Variants in C8orf88 observed in about 807,000 individuals in gnomAD.
C8orf88 encodes the protein chromosome 8 open reading frame 88.
A neutral mutation model predicts 18.4 loss-of-function variants in C8orf88; 14 were observed. The ratio of observed to expected loss-of-function variants is 0.76; its 90% confidence interval spans 0.50 to 1.19. The LOEUF (loss-of-function observed/expected upper bound fraction) is 1.19. Ranked by LOEUF, C8orf88 falls within the 50% of genes most tolerant of loss-of-function variation. C8orf88 has a pLI of 0.00. For synonymous variants in C8orf88, 45 were observed against 42.9 expected, an observed-to-expected ratio of 1.05 and a Z score of -0.19; for missense variants, 116 against 134.7, an observed-to-expected ratio of 0.86 and a Z score of 0.69.
intron 3 of C8orf88, among the ~76,000 whole-genome samples, chr8:90,971,488 T>C (rs145074372): frequency 6.6e-6 from 1 of 152,168 alleles, no homozygotes; most frequent in East Asian, 1.9e-4. Flanking sequence ...AAACAACACA[T>C]TTTTATTCAC....
At chr8:90,961,890 A>G (rs1811133726) in intron 4 of C8orf88, among the ~76,000 whole-genome samples, 1 of 151,464 alleles carries the variant, frequency 6.6e-6, no homozygotes, top group Non-Finnish European at 1.5e-5. Flanking sequence ...AAAGACTACA[A>G]ATTGACAGAG....
chr8:90,961,642 T>C (rs1811128197), intron 4 of C8orf88, among the ~76,000 whole-genome samples: 1 of 151,210 alleles, frequency 6.6e-6, no homozygotes, highest in African/African-American at 2.4e-5. Flanking sequence ...TTATACTAGA[T>C]GGAAACTTTA....
At position 90,965,207 on chromosome 8, in the gene C8orf88, C is replaced by A. The variant is rs117148963; in HGVS notation, c.224-4359G>T. On this transcript the variant is annotated intron_variant, in intron 4 of 5. Coordinates refer to ENST00000517562, the MANE Select transcript of C8orf88 (RefSeq NM_001190972.2). ...AAAAGATATTCAATTCAAGCAGTAA[C>A]CAAAAGAGAGCTGAAGTGAGTATAC... 2.1e-3 allele frequency among the ~76,000 whole-genome samples: 319 copies of A among 151,454 alleles called. 5 individuals carry two copies. The East Asian group carries it at 0.05, about 24-fold the overall frequency.
chr8:90,978,001 G>A (rs1462201032), intron 3 of C8orf88, among the ~76,000 whole-genome samples: 1 of 151,988 alleles, frequency 6.6e-6, no homozygotes, highest in African/African-American at 2.4e-5. Context: ...TAGTATCTAG[G>A]TAAGAAACTG....
rs1811082680 is a variant in C8orf88, at chr8:90,958,941, A to G, written c.*66T>C. ...AAATTGAATTGTCACAGTCCATTACAGTTATTGTTGCTAGATCCACCTCAT... is the reference window on the plus strand; with the variant it reads ...AAATTGAATTGTCACAGTCCATTACGGTTATTGTTGCTAGATCCACCTCAT... On this transcript the variant is annotated 3_prime_UTR_variant, in exon 6 of 6. Coordinates refer to ENST00000517562, the MANE Select transcript of C8orf88 (RefSeq NM_001190972.2). 2.2e-6 allele frequency: 2 copies of G among 920,394 alleles called. No homozygotes were observed. Among genetic ancestry groups the G allele is most frequent in the Non-Finnish European group, 3.2e-6 (2 of 616,080 alleles). 57.0% of individuals were successfully genotyped at this position (920,394 alleles called of 1,614,324 possible).
intron 5 of C8orf88, among the ~76,000 whole-genome samples, chr8:90,960,256 A>C (rs529645677): frequency 6.6e-6 from 1 of 151,666 alleles, no homozygotes; most frequent in Non-Finnish European, 1.5e-5. Flanking sequence ...AGAAAAATAC[A>C]TGAGATGATT....
intron 1 of C8orf88, among the ~76,000 whole-genome samples, chr8:90,983,622 G>T (rs777946737): frequency 1.3e-5 from 2 of 152,024 alleles, no homozygotes; most frequent in Non-Finnish European, 2.9e-5. Context: ...TAATTAAGAT[G>T]CCTTTTTAAG....
Position 90,971,155 on chromosome 8 carries a change from A to G in C8orf88, c.148-14T>C, listed in dbSNP as rs776674872. The G allele has an allele frequency of 7.0e-7, 1 of 1,434,412 alleles. No individual in the cohort carries two copies. The highest frequency in any genetic ancestry group is 1.5e-5 in the South Asian group (1 of 68,498). 88.9% of individuals were successfully genotyped at this position (1,434,412 alleles called of 1,614,324 possible). A position where few individuals can be genotyped will look rare whatever the true frequency, so the allele number is the denominator to read the frequency against. On this transcript the variant is annotated splice_polypyrimidine_tract_variant and intron_variant, in intron 3 of 5. Coordinates refer to ENST00000517562, the MANE Select transcript of C8orf88 (RefSeq NM_001190972.2). ...ATTCGTCTTACACTGTTAAACATGA[A>G]GAAAATAAACTTTTTAACTCAGGTT...
At chr8:90,976,580 A>G (rs1811354619) in intron 3 of C8orf88, among the ~76,000 whole-genome samples, 1 of 152,116 alleles carries the variant, frequency 6.6e-6, no homozygotes, top group Admixed American at 6.5e-5. Flanking sequence ...ATAAAGCCAG[A>G]GTAATTAAGA....
At chr8:90,975,611 TA>T (rs1308204887) in intron 3 of C8orf88, among the ~76,000 whole-genome samples, 1 of 152,094 alleles carries the variant, frequency 6.6e-6, no homozygotes, top group Non-Finnish European at 1.5e-5. Context: ...ACTTACACAC[TA>T]AAATGGCTAA....
chr8:90,975,099 T>C (rs986018256), intron 3 of C8orf88, among the ~76,000 whole-genome samples: 1 of 152,188 alleles, frequency 6.6e-6, no homozygotes, highest in African/African-American at 2.4e-5. Context: ...GTCATGTTAA[T>C]AGATCATAAG....
chr8:90,980,509 G>T, intron 1 of C8orf88, 48 bp from the exon 2 acceptor site: 1 of 787,942 alleles, frequency 1.3e-6, no homozygotes, highest in Non-Finnish European at 2.0e-6. Flanking sequence ...AAATAATCAA[G>T]ATGCTTTACA....
At chr8:90,960,990 A>C (rs1010552479) in intron 4 of C8orf88, 142 bp from the exon 5 acceptor site, 43 of 414,898 alleles carry the variant, frequency 1.0e-4, no homozygotes, top group Admixed American at 3.0e-4. Context: ...AGGAGAAAAA[A>C]GGCTTTGACA....
chr8:90,981,788 C>A lies in C8orf88; in HGVS notation c.-26-1327G>T, dbSNP rs191610972. Among the ~76,000 whole-genome samples the A allele has an allele frequency of 3.4e-4, 52 of 152,198 alleles. No homozygotes were observed. The East Asian group carries it at 9.2e-3, about 27-fold the overall frequency. ...TCGTCATTGCAACTAAAATCTGACA[C>A]CTGTATGGGACACAAGATTTCCAAA... On this transcript the variant is annotated intron_variant, in intron 1 of 5. Transcript: ENST00000517562.
chr8:90,982,941 C>T (rs1035510514), intron 1 of C8orf88, among the ~76,000 whole-genome samples: 1 of 151,978 alleles, frequency 6.6e-6, no homozygotes, highest in Admixed American at 6.6e-5. Context: ...GGCAGAACTC[C>T]ATAAACCAAA....
chr8:90,980,485 T>C, intron 1 of C8orf88, 24 bp from the exon 2 acceptor site: 1 of 1,096,930 alleles, frequency 9.1e-7, no homozygotes, highest in Non-Finnish European at 1.3e-6. Flanking sequence ...AAATACATTT[T>C]TATCTTTTGG....
chr8:90,973,092 A>C (rs535719192), intron 3 of C8orf88, among the ~76,000 whole-genome samples: 15 of 152,242 alleles, frequency 9.9e-5, no homozygotes, highest in Admixed American at 5.2e-4. Context: ...TCACAAACTA[A>C]AAGGCAGAAA....
rs1346176210 is a variant in C8orf88, at chr8:90,985,205, G to C, written c.-118C>G. On this transcript the variant is annotated 5_prime_UTR_variant, in exon 1 of 6. Transcript: ENST00000517562. The stretch of plus-strand genomic sequence containing the variant: ...AGCGCCCTGCTGCCCGTCGGGGAAC[G>C]GCTCCTGCCGCTGGTCCGCTGGCTG... The C allele has an allele frequency of 6.6e-6, 1 of 150,462 alleles. No homozygotes were observed. Among genetic ancestry groups the C allele is most frequent in the Non-Finnish European group, 1.5e-5 (1 of 67,436 alleles). The allele number at this position is 150,462 out of a possible 1,614,324, so 9.3% of individuals were successfully genotyped here.
At chr8:90,959,596 G>GA (rs1240924979) in intron 5 of C8orf88, among the ~76,000 whole-genome samples, 2 of 151,284 alleles carry the variant, frequency 1.3e-5, no homozygotes, top group African/African-American at 4.8e-5. Flanking sequence ...ACTTTAAAAA[G>GA]AATTGGCTAG....
Sources: gnomAD v4.1 joint callset for allele counts (sites outside exome capture counted in the v4.1 genomes callset) on GRCh38, gnomAD v4.1.1 for gene constraint, MANE v1.5 for transcripts, NCBI Gene and HGNC (gene_info 2026-07-23, HGNC 2026-07-21) for gene names.